The following DMC1 variants were observed in gnomAD, a reference collection of about 807,000 sequenced individuals.
The protein encoded by DMC1 is DNA meiotic recombinase 1.
DMC1 carries 27 observed loss-of-function variants against 50.1 expected under a neutral mutation model. The observed-to-expected ratio is 0.54, with a 90% CI of 0.40 to 0.74. The LOEUF is 0.74. Among genes scored for constraint, DMC1 ranks in the 30% least tolerant of loss-of-function variants. The pLI, the probability that DMC1 is intolerant of heterozygous loss-of-function variation, is 0.00. For synonymous variants in DMC1, 148 were observed against 136.1 expected, an observed-to-expected ratio of 1.09 and a Z score of -0.61; for missense variants, 295 against 420.2, an observed-to-expected ratio of 0.70 and a Z score of 2.60.
rs370834350 is a variant in DMC1, at chr22:38,526,235, T to C, written c.837-4511A>G. ...ATTTTTTTTTTTTGAGACGGAGTCTTGCTCTGTTGCCCAGGCTGGAGTGCA... is the reference window on the plus strand; with the variant it reads ...ATTTTTTTTTTTTGAGACGGAGTCTCGCTCTGTTGCCCAGGCTGGAGTGCA... On this transcript the variant is annotated intron_variant, in intron 12 of 13. Transcript: ENST00000216024. Among the ~76,000 whole-genome samples the C allele has an allele frequency of 2.6e-5, 4 of 152,110 alleles. No individual in the cohort carries two copies. In the South Asian group the frequency reaches 8.3e-4, roughly 32 times the overall value.
chr22:38,512,423 A>ACCCACTGTAGTAGCATCT, the DMC1 span, among the ~76,000 whole-genome samples: 1 of 152,176 alleles, frequency 6.6e-6, no homozygotes, highest in Non-Finnish European at 1.5e-5. Flanking sequence ...GACAAAGTGG[A>ACCCACTGTAGTAGCATCT]CCCACTGTAG....
At chr22:38,532,055 C>A (rs1463565295) in intron 12 of DMC1, among the ~76,000 whole-genome samples, 1 of 152,158 alleles carries the variant, frequency 6.6e-6, no homozygotes, top group Non-Finnish European at 1.5e-5. Flanking sequence ...TGCTCTTTAA[C>A]TTGTACTGTT....
Position 38,567,587 on chromosome 22 carries a change from C to T in DMC1, c.92G>A (p.Gly31Glu). 6.2e-7 allele frequency: 1 copy of T among 1,607,560 alleles called. No homozygotes were observed. Among genetic ancestry groups the T allele is most frequent in the Non-Finnish European group, 8.5e-7 (1 of 1,174,078 alleles). The change falls in exon 3 of 14, where the codon GGA becomes GAA. Residue 31 changes from glycine (G) to glutamate (E), a missense_variant. Coordinates refer to ENST00000216024, the MANE Select transcript of DMC1 (RefSeq NM_007068.4). ...FQDIDLLQKH[G>E]INVADIKKLK... Reference sequence around the variant, plus strand: ...CAGCATTGAAAAACTACTTACAATTCCATGTTTCTGTAACAGGTCAATATC... The same window carrying T: ...CAGCATTGAAAAACTACTTACAATTTCATGTTTCTGTAACAGGTCAATATC...
intron 3 of DMC1, 139 bp downstream of exon 3, chr22:38,567,444 G>C (rs757684707): frequency 1.1e-5 from 8 of 745,968 alleles, no homozygotes; most frequent in Non-Finnish European, 2.0e-5. Context: ...GTGAGTAGAG[G>C]CCAAGGATGT....
At chr22:38,542,478 T>C (rs991914819) in intron 8 of DMC1, among the ~76,000 whole-genome samples, 1 of 152,102 alleles carries the variant, frequency 6.6e-6, no homozygotes, top group African/African-American at 2.4e-5. Flanking sequence ...ATTAAAGACC[T>C]AGAAATTAAC....
chr22:38,556,960 G>A, intron 5 of DMC1, among the ~76,000 whole-genome samples: 1 of 152,124 alleles, frequency 6.6e-6, no homozygotes, highest in East Asian at 1.9e-4. Flanking sequence ...TAAAGGACAT[G>A]GGCTAAGCGA....
intron 12 of DMC1, among the ~76,000 whole-genome samples, chr22:38,535,810 G>A (rs1282615455): frequency 6.6e-6 from 1 of 151,370 alleles, no homozygotes; most frequent in African/African-American, 2.4e-5. Flanking sequence ...GTTTTGCCAT[G>A]TTGTCCAGGC....
At chr22:38,535,313 A>G (rs1199328966) in intron 12 of DMC1, among the ~76,000 whole-genome samples, 1 of 151,670 alleles carries the variant, frequency 6.6e-6, no homozygotes, top group Non-Finnish European at 1.5e-5. Flanking sequence ...AAAAAAAAAG[A>G]AAAAGAAAAA....
intron 8 of DMC1, among the ~76,000 whole-genome samples, chr22:38,543,365 G>A (rs1052556342): frequency 4.0e-5 from 6 of 151,880 alleles, no homozygotes; most frequent in South Asian, 2.1e-4. Flanking sequence ...GAGTAGCTGC[G>A]ACTACAGGTG....
chr22:38,534,937 TG>T (rs1286873452), intron 12 of DMC1, among the ~76,000 whole-genome samples: 2 of 137,570 alleles, frequency 1.5e-5, no homozygotes. Context: ...ACCCAGGAGG[TG>T]GAGGTTGCAG....
chr22:38,552,823 TCTTA>T (rs2090426858), intron 6 of DMC1, 116 bp from the exon 7 acceptor site: 1 of 731,562 alleles, frequency 1.4e-6, no homozygotes, highest in Non-Finnish European at 2.3e-6. Context: ...AACTGGCAAA[TCTTA>T]CTTATAAAGT....
chr22:38,535,975 C>T (rs1247708806), intron 12 of DMC1, among the ~76,000 whole-genome samples: 1 of 150,494 alleles, frequency 6.6e-6, no homozygotes, highest in Non-Finnish European at 1.5e-5. Context: ...AATCCTAGCA[C>T]TTTGGGATGC....
At chr22:38,545,757 G>A (rs934382584) in intron 8 of DMC1, 1 of 152,114 alleles carries the variant, frequency 6.6e-6, no homozygotes, top group Non-Finnish European at 1.5e-5. Flanking sequence ...GGCTTATGCT[G>A]AAGGGAAGTT....
At chr22:38,513,702 T>C in the DMC1 span, among the ~76,000 whole-genome samples, 1 of 152,098 alleles carries the variant, frequency 6.6e-6, no homozygotes, top group Non-Finnish European at 1.5e-5. Context: ...CTCAGCCTCC[T>C]GAGTAGCTGG....
chr22:38,515,869 T>C (rs983972095), downstream of DMC1, among the ~76,000 whole-genome samples: 1 of 152,200 alleles, frequency 6.6e-6, no homozygotes, highest in Non-Finnish European at 1.5e-5. Flanking sequence ...AAATTCTTTC[T>C]TGGGTGAGGT....
At chr22:38,567,371 C>G (rs1195236964) in intron 3 of DMC1, among the ~76,000 whole-genome samples, 1 of 152,202 alleles carries the variant, frequency 6.6e-6, no homozygotes, top group Admixed American at 6.5e-5. Flanking sequence ...TCTGGATACA[C>G]TTGACAATGT....
intron 12 of DMC1, among the ~76,000 whole-genome samples, chr22:38,524,433 C>T (rs868018610): frequency 2.6e-5 from 4 of 151,890 alleles, no homozygotes; most frequent in East Asian, 3.9e-4. Context: ...TAAAATAAAA[C>T]AAAATAAAAT....
At chr22:38,509,452 T>C in the DMC1 span, among the ~76,000 whole-genome samples, 1 of 152,120 alleles carries the variant, frequency 6.6e-6, no homozygotes, top group Non-Finnish European at 1.5e-5. Flanking sequence ...TAAGATAAAA[T>C]AATCATAGAG....
chr22:38,568,162 G>A lies in DMC1; in HGVS notation c.51+44C>T, dbSNP rs192201349. ...AACAGGGAAGGAACTTGATTTTTGC[G>A]GAATGATCGAATGTCTATATATCTT... On this transcript the variant is annotated intron_variant, in intron 2 of 13. Transcript: ENST00000216024. 8.0e-3 allele frequency: 12,588 copies of A among 1,571,818 alleles called. 82 individuals carry two copies. Among genetic ancestry groups the A allele is most frequent in the Middle Eastern group, 0.015 (92 of 5,984 alleles).
Sources: allele counts gnomAD v4.1 joint callset (sites outside exome capture counted in the v4.1 genomes callset), GRCh38; gene constraint gnomAD v4.1.1; transcripts MANE v1.5; gene names NCBI Gene and HGNC (gene_info 2026-07-23, HGNC 2026-07-21).